The following SPOCK1 variants were observed in gnomAD, a reference collection of about 807,000 sequenced individuals.
The protein encoded by SPOCK1 is testican-1.
In SPOCK1, 23 loss-of-function variants were observed where a neutral mutation model predicts 55.3. That is an observed-to-expected ratio of 0.42 (90% confidence interval 0.30 to 0.59). The LOEUF is 0.59. SPOCK1 is among the 20% of genes least tolerant of loss of function. SPOCK1 has a pLI of 0.22. For synonymous variants in SPOCK1, 226 were observed against 221.0 expected, an observed-to-expected ratio of 1.02 and a Z score of -0.20; for missense variants, 499 against 552.5, an observed-to-expected ratio of 0.90 and a Z score of 0.97.
intron 6 of SPOCK1, among the ~76,000 whole-genome samples, chr5:137,019,574 A>AAG (rs1751520330): frequency 6.6e-6 from 1 of 152,104 alleles, no homozygotes; most frequent in Non-Finnish European, 1.5e-5. Flanking sequence ...CAATGCGGTA[A>AAG]ACATCATCGT....
chr5:137,210,586 A>G (rs1755592453), intron 3 of SPOCK1, among the ~76,000 whole-genome samples: 1 of 152,176 alleles, frequency 6.6e-6, no homozygotes, highest in Non-Finnish European at 1.5e-5. Flanking sequence ...TTTGTAATAC[A>G]GGTCAGATAC....
chr5:137,331,830 G>T (rs1758189689), intron 2 of SPOCK1, among the ~76,000 whole-genome samples: 1 of 152,046 alleles, frequency 6.6e-6, no homozygotes, highest in Non-Finnish European at 1.5e-5. Flanking sequence ...CATGAGATTT[G>T]GAGGGGACAA....
At chr5:137,133,718 G>A (rs1046102676) in intron 4 of SPOCK1, among the ~76,000 whole-genome samples, 3 of 152,174 alleles carry the variant, frequency 2.0e-5, no homozygotes, top group African/African-American at 7.2e-5. Flanking sequence ...AGAGGCGATT[G>A]TGGGTTTAAA....
chr5:137,283,833 T>C (rs551019882), intron 2 of SPOCK1, among the ~76,000 whole-genome samples: 1 of 152,142 alleles, frequency 6.6e-6, no homozygotes, highest in Non-Finnish European at 1.5e-5. Context: ...ATAGTCGATG[T>C]GAAAACATTT....
chr5:137,332,944 T>C (rs1268777091), intron 2 of SPOCK1, among the ~76,000 whole-genome samples: 2 of 152,014 alleles, frequency 1.3e-5, no homozygotes, highest in Non-Finnish European at 2.9e-5. Flanking sequence ...CCAGGGAAAA[T>C]GGACTTCAGT....
At chr5:137,347,868 G>T (rs1750594426) in intron 2 of SPOCK1, among the ~76,000 whole-genome samples, 1 of 152,162 alleles carries the variant, frequency 6.6e-6, no homozygotes, top group Non-Finnish European at 1.5e-5. Context: ...TGCCCTTCCT[G>T]AGCATTTTCA....
chr5:137,365,180 A>T (rs1191908500), intron 2 of SPOCK1: 1 of 152,306 alleles, frequency 6.6e-6, no homozygotes, highest in South Asian at 2.1e-4. Flanking sequence ...TGCAGTTCTC[A>T]GTCCAGGGAT....
At chr5:137,416,799 T>G (rs1307666084) in intron 2 of SPOCK1, among the ~76,000 whole-genome samples, 1 of 152,164 alleles carries the variant, frequency 6.6e-6, no homozygotes, top group African/African-American at 2.4e-5. Flanking sequence ...TTAGCCACTA[T>G]CATGAAGGTG....
intron 2 of SPOCK1, among the ~76,000 whole-genome samples, chr5:137,443,113 A>C (rs1427684771): frequency 6.6e-6 from 1 of 152,088 alleles, no homozygotes; most frequent in African/African-American, 2.4e-5. Context: ...GAAAAAGAAA[A>C]CACAGATCTG....
At chr5:137,128,374 G>A (rs970518916) in intron 4 of SPOCK1, among the ~76,000 whole-genome samples, 12 of 152,190 alleles carry the variant, frequency 7.9e-5, no homozygotes, top group African/African-American at 1.7e-4. Context: ...ATAGCAGGAC[G>A]CTTTGCACAT....
At chr5:137,071,019 CTTTTT>C (rs10570894) in intron 5 of SPOCK1, among the ~76,000 whole-genome samples, 2 of 141,118 alleles carry the variant, frequency 1.4e-5, no homozygotes, top group Non-Finnish European at 1.5e-5. Context: ...AGGCCAATTT[CTTTTT>C]TTTTTTTTTT....
chr5:137,284,156 A>T (rs556150763), intron 2 of SPOCK1, among the ~76,000 whole-genome samples: 1 of 152,346 alleles, frequency 6.6e-6, no homozygotes, highest in Admixed American at 6.5e-5. Flanking sequence ...AGGTGACACC[A>T]GGCAGGAAAC....
intron 2 of SPOCK1, among the ~76,000 whole-genome samples, chr5:137,270,568 C>T (rs1317902517): frequency 6.6e-6 from 1 of 152,180 alleles, no homozygotes; most frequent in African/African-American, 2.4e-5. Flanking sequence ...TATAGCATTT[C>T]ATAAATGAAT....
intron 6 of SPOCK1, among the ~76,000 whole-genome samples, chr5:137,036,878 T>A (rs1250414501): frequency 1.3e-5 from 2 of 152,108 alleles, no homozygotes; most frequent in African/African-American, 2.4e-5. Context: ...GAGACAGTGA[T>A]AGACACGGTG....
At chr5:137,024,378 G>A (rs1429618926) in intron 6 of SPOCK1, among the ~76,000 whole-genome samples, 1 of 150,904 alleles carries the variant, frequency 6.6e-6, no homozygotes, top group Non-Finnish European at 1.5e-5. Context: ...TGTAAAGCTG[G>A]GATCCTTAAA....
At chr5:137,044,591 C>T (rs1752070002) in intron 6 of SPOCK1, among the ~76,000 whole-genome samples, 1 of 152,016 alleles carries the variant, frequency 6.6e-6, no homozygotes, top group South Asian at 2.1e-4. Context: ...TGGAAACATA[C>T]ATAAGGTACA....
At chr5:137,349,827 C>T (rs1006995292) in intron 2 of SPOCK1, among the ~76,000 whole-genome samples, 8 of 152,146 alleles carry the variant, frequency 5.3e-5, no homozygotes, top group Non-Finnish European at 8.8e-5. Flanking sequence ...GGACACCAGT[C>T]GTACTGGATT....
intron 2 of SPOCK1, among the ~76,000 whole-genome samples, chr5:137,381,314 A>G (rs1377691403): frequency 1.3e-5 from 2 of 152,146 alleles, no homozygotes; most frequent in Non-Finnish European, 2.9e-5. Context: ...CAAGCTGTTC[A>G]TGAATCTACC....
chr5:137,477,453 C>T (rs148838707), intron 2 of SPOCK1, among the ~76,000 whole-genome samples: 1 of 152,190 alleles, frequency 6.6e-6, no homozygotes, highest in East Asian at 1.9e-4. Context: ...AATCCAGATG[C>T]CCTTCTCATC....
Sources: allele counts gnomAD v4.1 joint callset (sites outside exome capture counted in the v4.1 genomes callset), GRCh38; gene constraint gnomAD v4.1.1; transcripts MANE v1.5; gene names NCBI Gene and HGNC (gene_info 2026-07-23, HGNC 2026-07-21).